The following LAMA2 variants were observed in gnomAD, a reference collection of about 807,000 sequenced individuals.
LAMA2 encodes laminin subunit alpha-2.
Under a neutral mutation model 364.8 loss-of-function variants are expected in LAMA2, and 269 were observed. The observed-to-expected ratio is 0.74, with a 90% CI of 0.67 to 0.82. The LOEUF is 0.82. LAMA2 is among the 40% of genes least tolerant of loss of function. The pLI, the probability that LAMA2 is intolerant of heterozygous loss-of-function variation, is 0.00. For missense variants in LAMA2, 3,807 were observed against 3,873.2 expected (o/e 0.98, Z 0.45); for synonymous variants, 1,379 against 1,370.6 (o/e 1.01, Z -0.14).
intron 12 of LAMA2, among the ~76,000 whole-genome samples, chr6:129,208,362 A>T (rs1782819552): frequency 6.6e-6 from 1 of 152,082 alleles, no homozygotes; most frequent in Admixed American, 6.6e-5. Context: ...AATGATAAGC[A>T]TTTGGTATTA....
At chr6:129,394,131 C>G (rs549624841) in intron 37 of LAMA2, among the ~76,000 whole-genome samples, 1 of 152,258 alleles carries the variant, frequency 6.6e-6, no homozygotes, top group East Asian at 1.9e-4. Flanking sequence ...CATATAACAG[C>G]AGCACCCTGT....
intron 1 of LAMA2, among the ~76,000 whole-genome samples, chr6:128,950,752 C>A (rs941816486): frequency 6.6e-6 from 1 of 151,912 alleles, no homozygotes; most frequent in Non-Finnish European, 1.5e-5. Context: ...AATAATACAT[C>A]ATATATAACA....
intron 12 of LAMA2, among the ~76,000 whole-genome samples, chr6:129,218,979 T>C (rs1783610817): frequency 6.6e-6 from 1 of 152,142 alleles, no homozygotes; most frequent in African/African-American, 2.4e-5. Flanking sequence ...ATTTGCCAAT[T>C]CTTTTTATTC....
intron 18 of LAMA2, 34 bp from the exon 19 acceptor site, chr6:129,287,813 C>T (rs1374119457): frequency 6.4e-7 from 1 of 1,563,226 alleles, no homozygotes; most frequent in Non-Finnish European, 8.8e-7. Context: ...CTGAGGTCCC[C>T]CCAAAGGCTC....
intron 37 of LAMA2, among the ~76,000 whole-genome samples, chr6:129,400,716 A>G (rs1222556085): frequency 6.6e-6 from 1 of 152,222 alleles, no homozygotes; most frequent in Admixed American, 6.5e-5. Flanking sequence ...GAAACAGTCC[A>G]TTAGGTTGAT....
chr6:128,979,188 A>G (rs571653254), intron 1 of LAMA2, among the ~76,000 whole-genome samples: 84 of 152,304 alleles, frequency 5.5e-4, no homozygotes, highest in African/African-American at 1.9e-3. Context: ...GCAGATATAA[A>G]CAATATGTAT....
At chr6:129,497,351 C>A (rs1785270902) in intron 58 of LAMA2, among the ~76,000 whole-genome samples, 1 of 152,084 alleles carries the variant, frequency 6.6e-6, no homozygotes, top group South Asian at 2.1e-4. Flanking sequence ...GATCCTCATG[C>A]CTCAGCCTCC....
intron 14 of LAMA2, among the ~76,000 whole-genome samples, chr6:129,259,527 G>A (rs143987313): frequency 0.012 from 1,853 of 152,102 alleles, 34 homozygotes; most frequent in African/African-American, 0.042. Flanking sequence ...TGCTCTTAGA[G>A]TTTATTTAAA....
intron 1 of LAMA2, among the ~76,000 whole-genome samples, chr6:129,044,953 T>C (rs1787371011): frequency 6.6e-6 from 1 of 152,142 alleles, no homozygotes; most frequent in Non-Finnish European, 1.5e-5. Context: ...TGGGAATAAG[T>C]AGGCACAGCA....
At chr6:129,117,048 T>G (rs2114911523) in intron 4 of LAMA2, among the ~76,000 whole-genome samples, 1 of 152,104 alleles carries the variant, frequency 6.6e-6, no homozygotes, top group African/African-American at 2.4e-5. Flanking sequence ...CTGGGATGAG[T>G]TAGTTATTGC....
At chr6:129,508,414 A>G (rs892792047) in intron 62 of LAMA2, among the ~76,000 whole-genome samples, 1 of 107,502 alleles carries the variant, frequency 9.3e-6, no homozygotes, top group Admixed American at 1.1e-4. Flanking sequence ...TTAAATGTAC[A>G]ATTATTTTTT....
chr6:129,050,025 C>T lies in LAMA2; in HGVS notation c.220C>T (p.Pro74Ser), dbSNP rs1238722389. 5 of 1,614,032 alleles carry T rather than the reference C, an allele frequency of 3.1e-6. No individual in the cohort carries two copies. The highest frequency in any genetic ancestry group is 4.2e-6 in the Non-Finnish European group (5 of 1,179,970). Reference protein sequence around the residue: ...EMYCKLVEHVPGQPVRNPQCR... With the variant: ...EMYCKLVEHVSGQPVRNPQCR... ...GTACTGCAAATTGGTAGAACATGTC[C>T]CTGGGCAGCCTGTGAGGAACCCGCA... The change falls in exon 2 of 65, where the codon CCT (proline) becomes TCT (serine). Residue 74 changes from proline (P) to serine (S), a missense_variant. By Grantham distance (74) the Pro-to-Ser change is moderately conservative (BLOSUM62 -1). Coordinates refer to ENST00000421865, the MANE Select transcript of LAMA2 (RefSeq NM_000426.4).
intron 40 of LAMA2, among the ~76,000 whole-genome samples, chr6:129,406,670 C>T (rs1298945296): frequency 1.3e-5 from 2 of 152,114 alleles, no homozygotes; most frequent in Non-Finnish European, 1.5e-5. Context: ...ATTTCCAGGT[C>T]ATAGTAAACT....
At chr6:129,391,213 G>A (rs973325693) in intron 35 of LAMA2, among the ~76,000 whole-genome samples, 6 of 151,808 alleles carry the variant, frequency 4.0e-5, no homozygotes, top group South Asian at 2.1e-4. Context: ...AGTATGCTTC[G>A]ACCTACTTCT....
chr6:129,390,232 C>T (rs1162454844), intron 35 of LAMA2, among the ~76,000 whole-genome samples: 1 of 152,042 alleles, frequency 6.6e-6, no homozygotes, highest in Non-Finnish European at 1.5e-5. Context: ...GGTCCTCACC[C>T]CCAGAATTTC....
intron 12 of LAMA2, among the ~76,000 whole-genome samples, chr6:129,228,674 T>C (rs1784486913): frequency 6.6e-6 from 1 of 152,204 alleles, no homozygotes; most frequent in Non-Finnish European, 1.5e-5. Flanking sequence ...TTAATTATAA[T>C]ATTGTAAAAC....
chr6:129,167,074 A>T (rs1375393504), intron 9 of LAMA2, among the ~76,000 whole-genome samples: 1 of 152,190 alleles, frequency 6.6e-6, no homozygotes, highest in African/African-American at 2.4e-5. Context: ...ATAGTAAAGA[A>T]ATAAAATAAT....
At chr6:129,263,641 T>TAAGAAATG (rs3062320) in intron 15 of LAMA2, among the ~76,000 whole-genome samples, 26,360 of 151,914 alleles carry the variant, frequency 0.17, 2,476 homozygotes, top group African/African-American at 0.24. Context: ...GCACATATGA[T>TAAGAAATG]AAGAAATGAG....
intron 1 of LAMA2, among the ~76,000 whole-genome samples, chr6:128,895,468 T>TAAAA (rs34458994): frequency 1.2e-4 from 8 of 65,816 alleles, no homozygotes; most frequent in East Asian, 5.3e-4. Context: ...CTGTCTCTAC[T>TAAAA]AAAAAAAAAA....
Sources: allele counts gnomAD v4.1 joint callset (sites outside exome capture counted in the v4.1 genomes callset), GRCh38; gene constraint gnomAD v4.1.1; transcripts MANE v1.5; gene names NCBI Gene and HGNC (gene_info 2026-07-23, HGNC 2026-07-21).